NEBL: variants seen among roughly 807,000 people sequenced by gnomAD.
NEBL encodes the protein LIM and SH3 protein 2.
NEBL carries 122 observed loss-of-function variants against 140.2 expected under a neutral mutation model. The ratio of observed to expected loss-of-function variants is 0.87; its 90% CI spans 0.75 to 1.01. The LOEUF is 1.01. Ranked by LOEUF, NEBL falls within the 50% of genes least tolerant of loss-of-function variation. The probability of loss-of-function intolerance (pLI) is 0.00; values close to 1 mark genes in which losing one functional copy is unlikely to be tolerated. For missense variants in NEBL, 1,365 were observed against 1,231.3 expected (o/e 1.11, Z -1.62); for synonymous variants, 436 against 398.9 (o/e 1.09, Z -1.11).
chr10:20,980,064 A>G (rs1836971772), intron 3 of NEBL, among the ~76,000 whole-genome samples: 1 of 134,708 alleles, frequency 7.4e-6, no homozygotes, highest in African/African-American at 2.7e-5. Context: ...AAAAAAAAAA[A>G]CAAACCATAA....
chr10:21,229,225 A>G (rs2132253329), intron 3 of NEBL, among the ~76,000 whole-genome samples: 1 of 152,256 alleles, frequency 6.6e-6, no homozygotes, highest in Admixed American at 6.5e-5. Flanking sequence ...GTTACAGACA[A>G]GCCTAGGCAA....
chr10:20,885,671 G>A (rs1292482617), intron 4 of NEBL, among the ~76,000 whole-genome samples: 2 of 152,216 alleles, frequency 1.3e-5, no homozygotes, highest in Non-Finnish European at 2.9e-5. Context: ...GGAAACATCG[G>A]AAAAGTTACC....
At chr10:21,195,792 T>C (rs751939381) in intron 3 of NEBL, among the ~76,000 whole-genome samples, 4 of 152,212 alleles carry the variant, frequency 2.6e-5, no homozygotes, top group Non-Finnish European at 5.9e-5. Flanking sequence ...CTCAGTAAAT[T>C]CAAAGTTACC....
chr10:21,144,634 G>A (rs749922223), intron 2 of NEBL, among the ~76,000 whole-genome samples: 3 of 152,082 alleles, frequency 2.0e-5, no homozygotes, highest in African/African-American at 7.2e-5. Flanking sequence ...GCTGAGACAC[G>A]AGAATCACTT....
At chr10:20,827,682 T>A (rs1008942376) in intron 17 of NEBL, among the ~76,000 whole-genome samples, 1 of 152,118 alleles carries the variant, frequency 6.6e-6, no homozygotes, top group Non-Finnish European at 1.5e-5. Context: ...TGAATGCCCA[T>A]CAATGATAGA....
intron 2 of NEBL, among the ~76,000 whole-genome samples, chr10:21,117,977 T>A (rs1359239446): frequency 2.6e-5 from 4 of 152,016 alleles, no homozygotes; most frequent in Non-Finnish European, 5.9e-5. Flanking sequence ...ACTGAGAAAA[T>A]ACACAGAAAA....
intron 2 of NEBL, among the ~76,000 whole-genome samples, chr10:21,032,592 G>A (rs1833845353): frequency 6.6e-6 from 1 of 152,000 alleles, no homozygotes; most frequent in Admixed American, 6.6e-5. Context: ...TTTAAAAGAC[G>A]GTGAATTAGA....
intron 4 of NEBL, among the ~76,000 whole-genome samples, chr10:20,921,294 C>A (rs1424462574): frequency 1.3e-5 from 2 of 152,142 alleles, no homozygotes; most frequent in Admixed American, 1.3e-4. Flanking sequence ...TGCCTCCGGC[C>A]CAGCTCCATT....
chr10:20,888,102 T>C lies in NEBL; in HGVS notation c.364A>G (p.Ser122Gly). 1.2e-6 allele frequency: 2 copies of C among 1,603,662 alleles called. No individual in the cohort carries two copies. The highest frequency in any genetic ancestry group is 1.7e-6 in the Non-Finnish European group (2 of 1,170,538). Reference protein sequence around the residue: ...VFAGEVTQLQSEVAYKQKHDA... With the variant: ...VFAGEVTQLQGEVAYKQKHDA... Reference sequence around the variant, plus strand: ...ACACTTTAGAAAAACCCTACCTCACTCTGGAGCTGTGTAACTTCTCCTGCA... The same window carrying C: ...ACACTTTAGAAAAACCCTACCTCACCCTGGAGCTGTGTAACTTCTCCTGCA... The change falls in exon 4 of 28, where the codon AGT (serine) becomes GGT (glycine). Residue 122 changes from serine to glycine, a missense_variant. This residue lies in a region of NEBL where 1,323 missense variants were observed against 1,154.8 expected (regional missense o/e 1.15). Coordinates refer to ENST00000377122, the MANE Select transcript of NEBL (RefSeq NM_006393.3).
intron 3 of NEBL, among the ~76,000 whole-genome samples, chr10:21,215,965 C>T (rs1841986823): frequency 6.6e-6 from 1 of 152,206 alleles, no homozygotes; most frequent in African/African-American, 2.4e-5. Context: ...GCCACCGCAC[C>T]TGCCCTCCCA....
At chr10:20,836,885 C>T (rs752680587) in intron 13 of NEBL, among the ~76,000 whole-genome samples, 4 of 152,116 alleles carry the variant, frequency 2.6e-5, no homozygotes, top group Non-Finnish European at 5.9e-5. Flanking sequence ...AGAAGTCCTG[C>T]AACACTATTG....
chr10:21,057,542 CTTTTT>C (rs5783764), intron 2 of NEBL, among the ~76,000 whole-genome samples: 1 of 71,728 alleles, frequency 1.4e-5, no homozygotes, highest in African/African-American at 5.9e-5. Flanking sequence ...AATGAAATTC[CTTTTT>C]TTTTTTTTTT....
chr10:21,016,440 G>C (rs917474558), intron 3 of NEBL, among the ~76,000 whole-genome samples: 7 of 152,212 alleles, frequency 4.6e-5, no homozygotes, highest in African/African-American at 1.4e-4. Flanking sequence ...CTCAGGAAGA[G>C]AGGGGGGGAA....
chr10:21,165,731 G>A (rs1840733347), intron 2 of NEBL, among the ~76,000 whole-genome samples: 1 of 152,124 alleles, frequency 6.6e-6, no homozygotes. Context: ...GGTGGTGTGG[G>A]CTCTTACTGC....
At chr10:21,013,924 T>C (rs1400253080) in intron 3 of NEBL, among the ~76,000 whole-genome samples, 1 of 151,758 alleles carries the variant, frequency 6.6e-6, no homozygotes, top group African/African-American at 2.4e-5. Flanking sequence ...GATTAAAAAA[T>C]GGGGAAAATG....
intron 4 of NEBL, among the ~76,000 whole-genome samples, chr10:20,911,951 G>A (rs1848348588): frequency 6.6e-6 from 1 of 152,142 alleles, no homozygotes; most frequent in African/African-American, 2.4e-5. Context: ...TTGGCAGTTT[G>A]ACTCAATATA....
intron 4 of NEBL, among the ~76,000 whole-genome samples, chr10:20,914,997 T>A (rs1848484887): frequency 2.0e-5 from 2 of 97,788 alleles, no homozygotes; most frequent in South Asian, 6.3e-4. Flanking sequence ...GAGATGGGGT[T>A]TCACTATATT....
Position 20,869,846 on chromosome 10 carries a change from T to C in NEBL, c.481-5A>G. 1.3e-6 allele frequency: 2 copies of C among 1,575,602 alleles called. No homozygotes were observed. Among genetic ancestry groups the C allele is most frequent in the Non-Finnish European group, 1.7e-6 (2 of 1,145,086 alleles). ...CACGTCTTTCCTATAAGAAATCTGA[T>C]CAGAGACAGTTTTGGTTAAAAAATA... On this transcript the variant is annotated splice_region_variant and splice_polypyrimidine_tract_variant and intron_variant, in intron 5 of 27. Transcript: ENST00000377122.
At chr10:21,267,358 C>A (rs1034191216) in intron 1 of NEBL, among the ~76,000 whole-genome samples, 2 of 152,188 alleles carry the variant, frequency 1.3e-5, no homozygotes, top group Non-Finnish European at 2.9e-5. Context: ...AAGTGATCTG[C>A]CCACCTCGGC....
Sources: allele counts gnomAD v4.1 joint callset (sites outside exome capture counted in the v4.1 genomes callset), GRCh38; gene constraint gnomAD v4.1.1; regional missense constraint gnomAD v4.1.1; transcripts MANE v1.5; gene names NCBI Gene and HGNC (gene_info 2026-07-23, HGNC 2026-07-21).